ANKIB1: variants seen among roughly 807,000 people sequenced by gnomAD.
The protein encoded by ANKIB1 is ankyrin repeat and IBR domain-containing protein 1.
A neutral mutation model predicts 122.1 loss-of-function variants in ANKIB1; 43 were observed. That is an observed-to-expected ratio of 0.35 (90% CI 0.28 to 0.45). The LOEUF (loss-of-function observed/expected upper bound fraction) is 0.45. Among genes scored for constraint, ANKIB1 ranks in the 20% least tolerant of loss-of-function variants. ANKIB1 has a pLI of 1.00. For missense variants in ANKIB1, 992 were observed against 1,329.5 expected (o/e 0.75, Z 3.95); for synonymous variants, 390 against 442.0 (o/e 0.88, Z 1.48).
chr7:92,332,203 T>C (rs1363228264), intron 5 of ANKIB1, among the ~76,000 whole-genome samples: 1 of 152,206 alleles, frequency 6.6e-6, no homozygotes, highest in Non-Finnish European at 1.5e-5. Context: ...GTGGTATCAA[T>C]GACATTTGAT....
At chr7:92,269,105 G>A (rs1010644163) in intron 1 of ANKIB1, among the ~76,000 whole-genome samples, 2 of 152,142 alleles carry the variant, frequency 1.3e-5, no homozygotes, top group African/African-American at 4.8e-5. Context: ...TAATACAATT[G>A]AAAGTATTAT....
chr7:92,379,260 C>T (rs764016520), intron 11 of ANKIB1, among the ~76,000 whole-genome samples: 13 of 151,962 alleles, frequency 8.6e-5, no homozygotes, highest in Non-Finnish European at 1.2e-4. Flanking sequence ...GGCATGGTGG[C>T]GGGTGTCTGT....
intron 7 of ANKIB1, among the ~76,000 whole-genome samples, chr7:92,347,262 T>C (rs1407533517): frequency 1.3e-5 from 2 of 151,576 alleles, no homozygotes; most frequent in African/African-American, 4.9e-5. Context: ...TAAACTTTCT[T>C]AGAACATTAT....
intron 2 of ANKIB1, among the ~76,000 whole-genome samples, chr7:92,306,005 A>G (rs998196997): frequency 7.2e-5 from 11 of 152,054 alleles, no homozygotes; most frequent in Admixed American, 6.6e-4. Flanking sequence ...TTGCTCAGGG[A>G]TAGATTCTTC....
intron 1 of ANKIB1, among the ~76,000 whole-genome samples, chr7:92,283,432 A>G (rs1802051363): frequency 6.6e-6 from 1 of 152,166 alleles, no homozygotes; most frequent in Admixed American, 6.5e-5. Context: ...CAGTTTGGTA[A>G]GCTAGGCCCC....
intron 18 of ANKIB1, among the ~76,000 whole-genome samples, chr7:92,396,738 T>G (rs576558976): frequency 2.0e-5 from 3 of 152,314 alleles, no homozygotes; most frequent in Non-Finnish European, 2.9e-5. Flanking sequence ...TAAGGTTGTT[T>G]CCATATTCTA....
chr7:92,342,457 A>T (rs1271427543), intron 5 of ANKIB1, among the ~76,000 whole-genome samples: 1 of 152,174 alleles, frequency 6.6e-6, no homozygotes, highest in African/African-American at 2.4e-5. Context: ...TTTTTTAGTT[A>T]AGCCAGGTTC....
chr7:92,391,896 G>C (rs970025213), intron 16 of ANKIB1, among the ~76,000 whole-genome samples: 1 of 151,990 alleles, frequency 6.6e-6, no homozygotes, highest in Non-Finnish European at 1.5e-5. Context: ...ATAACTATAA[G>C]CATTAAACAT....
In ANKIB1 at chr7:92,352,660, TG is replaced by T; in HGVS notation, c.1397+20del. ...TTCTGCTGGTTAGTATAAGACAAGT[TG>T]GAATCAGCCTAATCACCTTTCTTTC... is the stretch of plus-strand genomic sequence containing the variant. On this transcript the variant is annotated intron_variant, in intron 9 of 19. Coordinates refer to ENST00000265742, the MANE Select transcript of ANKIB1 (RefSeq NM_019004.2). The T allele has an allele frequency of 1.9e-6, 3 of 1,587,542 alleles. No homozygotes were observed. Among genetic ancestry groups the T allele is most frequent in the Non-Finnish European group, 2.6e-6 (3 of 1,171,734 alleles).
intron 1 of ANKIB1, among the ~76,000 whole-genome samples, chr7:92,274,166 C>A (rs1801852750): frequency 1.3e-5 from 2 of 152,018 alleles, no homozygotes; most frequent in Admixed American, 1.3e-4. Context: ...ATTATTTATT[C>A]CTAAAATTCA....
At chr7:92,364,277 A>ACT (rs1017348734) in intron 10 of ANKIB1, among the ~76,000 whole-genome samples, 24 of 136,228 alleles carry the variant, frequency 1.8e-4, no homozygotes, top group Non-Finnish European at 3.0e-5. Flanking sequence ...GCCCCACTGC[A>ACT]CTCTAGCCTG....
intron 1 of ANKIB1, among the ~76,000 whole-genome samples, chr7:92,270,809 T>G (rs1334598421): frequency 6.6e-6 from 1 of 151,294 alleles, no homozygotes; most frequent in Non-Finnish European, 1.5e-5. Flanking sequence ...CTTGGTTTCT[T>G]GCATTCAGCA....
chr7:92,307,693 A>C (rs1258583841), intron 3 of ANKIB1, 37 bp downstream of exon 3: 2 of 1,392,746 alleles, frequency 1.4e-6, no homozygotes, highest in Non-Finnish European at 1.9e-6. Flanking sequence ...TGCATTGTAA[A>C]ATTTGTATCC....
chr7:92,272,574 C>T (rs972394091), intron 1 of ANKIB1, among the ~76,000 whole-genome samples: 3 of 152,126 alleles, frequency 2.0e-5, no homozygotes, highest in Admixed American at 2.0e-4. Context: ...CCTAGGATGA[C>T]AGTTGTACAG....
chr7:92,389,110 G>C (rs549959399), intron 14 of ANKIB1, among the ~76,000 whole-genome samples: 1 of 152,158 alleles, frequency 6.6e-6, no homozygotes, highest in Admixed American at 6.6e-5. Flanking sequence ...CATTCTGGAG[G>C]TTCCAGGCAG....
chr7:92,287,190 A>G (rs528516132), intron 1 of ANKIB1, among the ~76,000 whole-genome samples: 1 of 152,376 alleles, frequency 6.6e-6, no homozygotes, highest in African/African-American at 2.4e-5. Flanking sequence ...ACATTGGTAC[A>G]GTACTACTAA....
intron 1 of ANKIB1, among the ~76,000 whole-genome samples, chr7:92,254,757 T>C (rs1801400990): frequency 6.6e-6 from 1 of 152,230 alleles, no homozygotes. Context: ...TACAAATAAG[T>C]TTTGTAAGTT....
intron 14 of ANKIB1, among the ~76,000 whole-genome samples, chr7:92,389,137 A>G (rs903201517): frequency 3.3e-5 from 5 of 152,032 alleles, no homozygotes; most frequent in African/African-American, 7.2e-5. Context: ...AAATTAGGGG[A>G]AAAAAACAAA....
intron 4 of ANKIB1, among the ~76,000 whole-genome samples, chr7:92,320,658 G>A (rs1450289976): frequency 1.3e-5 from 2 of 152,070 alleles, no homozygotes; most frequent in African/African-American, 4.8e-5. Flanking sequence ...AAATTCATTT[G>A]TTCTTCCTAA....
Sources: allele counts gnomAD v4.1 joint callset (sites outside exome capture counted in the v4.1 genomes callset), GRCh38; gene constraint gnomAD v4.1.1; transcripts MANE v1.5; gene names NCBI Gene and HGNC (gene_info 2026-07-23, HGNC 2026-07-21).